Variants in GNAL observed in about 807,000 individuals in gnomAD.
The protein encoded by GNAL is G protein subunit alpha L, also known as guanine nucleotide-binding protein G(olf) subunit alpha.
In GNAL, 18 loss-of-function variants were observed where a neutral mutation model predicts 55.1. The observed-to-expected ratio is 0.33, with a 90% CI of 0.23 to 0.48. The LOEUF is 0.48. Ranked by LOEUF, GNAL falls within the 20% of genes least tolerant of loss-of-function variation. GNAL has a pLI of 0.99. For synonymous variants in GNAL, 253 were observed against 237.0 expected (o/e 1.07, Z -0.62); for missense variants, 412 against 614.1 (o/e 0.67, Z 3.48).
intron 11 of GNAL, among the ~76,000 whole-genome samples, chr18:11,880,393 AC>A (rs1567908785): frequency 6.6e-6 from 1 of 151,790 alleles, no homozygotes; most frequent in African/African-American, 2.4e-5. Flanking sequence ...ACATGGTGAC[AC>A]CCCGTCTCTA....
intron 11 of GNAL, among the ~76,000 whole-genome samples, chr18:11,877,365 G>A (rs1482197307): frequency 6.6e-6 from 1 of 152,162 alleles, no homozygotes; most frequent in Admixed American, 6.5e-5. Flanking sequence ...TGAGGCAGGA[G>A]AATTGCTGAA....
chr18:11,730,418 C>T (rs2032312880), intron 1 of GNAL, among the ~76,000 whole-genome samples: 1 of 151,932 alleles, frequency 6.6e-6, no homozygotes, highest in African/African-American at 2.4e-5. Flanking sequence ...CCTCGGCCTC[C>T]CAAAATGCCG....
Position 11,752,482 on chromosome 18 carries a change from G to A in GNAL, c.377-371G>A, listed in dbSNP as rs145170970. Reference sequence around the variant, plus strand: ...CAAGACGACGGAAGACCAGGGCGTCGATGAAAAAGAACGACGCGAGGCCAA... The same window carrying A: ...CAAGACGACGGAAGACCAGGGCGTCAATGAAAAAGAACGACGCGAGGCCAA... On this transcript the variant is annotated intron_variant, in intron 1 of 11. Coordinates refer to ENST00000334049, the MANE Select transcript of GNAL (RefSeq NM_182978.4). This position sits in a 1 kb window ranked among gnomAD's most constrained non-coding sequence, Gnocchi z 4.5. The A allele has an allele frequency of 2.5e-6, 4 of 1,611,972 alleles. No homozygotes were observed. The highest frequency in any genetic ancestry group is 3.4e-6 in the Non-Finnish European group (4 of 1,179,128).
At chr18:11,724,973 G>C (rs533585700) in intron 1 of GNAL, among the ~76,000 whole-genome samples, 1 of 152,188 alleles carries the variant, frequency 6.6e-6, no homozygotes, top group East Asian at 1.9e-4. Flanking sequence ...CTGACACCTC[G>C]AGCACCATGG....
At chr18:11,846,104 C>T (rs978715285) in intron 5 of GNAL, among the ~76,000 whole-genome samples, 2 of 151,922 alleles carry the variant, frequency 1.3e-5, no homozygotes, top group African/African-American at 4.8e-5. Flanking sequence ...AAAAGAGAGG[C>T]ATCCCGTACC....
In GNAL at chr18:11,884,611, G is replaced by C; in HGVS notation, c.*3476G>C. 5 of 1,613,432 alleles carry C rather than the reference G, an allele frequency of 3.1e-6. No homozygotes were observed. The highest frequency in any genetic ancestry group is 4.2e-6 in the Non-Finnish European group (5 of 1,179,894). On this transcript the variant is annotated 3_prime_UTR_variant, in exon 12 of 12. Transcript: ENST00000334049. ...GTAGCACTTGGAGAGGGTGTAGTCTGTGGGCGTGATGCTACCCTGGAAAGG... is the reference window on the plus strand; with the variant it reads ...GTAGCACTTGGAGAGGGTGTAGTCTCTGGGCGTGATGCTACCCTGGAAAGG...
At chr18:11,784,848 G>A (rs1388541661) in intron 4 of GNAL, among the ~76,000 whole-genome samples, 2 of 152,164 alleles carry the variant, frequency 1.3e-5, no homozygotes, top group African/African-American at 2.4e-5. Flanking sequence ...GCATGAGCCT[G>A]GCTGTCCGTA....
intron 5 of GNAL, chr18:11,851,866 G>C (rs776188158): frequency 6.2e-7 from 1 of 1,613,924 alleles, no homozygotes; most frequent in South Asian, 1.1e-5. Flanking sequence ...GGACAAATTC[G>C]AGCACCAGTT....
intron 5 of GNAL, among the ~76,000 whole-genome samples, chr18:11,856,262 C>G (rs1476822530): frequency 1.3e-5 from 2 of 151,364 alleles, no homozygotes; most frequent in East Asian, 1.9e-4. Context: ...TCTGGTTTAC[C>G]TAGGTTTGTT....
rs776210771 is a variant in GNAL, at chr18:11,851,743, A to G, written c.723-10652A>G. 4 of 1,613,898 alleles carry G rather than the reference A, an allele frequency of 2.5e-6. No individual in the cohort carries two copies. The highest frequency in any genetic ancestry group is 3.4e-6 in the Non-Finnish European group (4 of 1,179,886). On this transcript the variant is annotated intron_variant, in intron 5 of 11. Coordinates refer to ENST00000334049, the MANE Select transcript of GNAL (RefSeq NM_182978.4). ...TGCGCGAGTCGATGCAGTGGCTGCC[A>G]GGGTCCAGACGGCGGTGACGATGGG...
At chr18:11,699,511 A>T (rs1333697066) in intron 1 of GNAL, among the ~76,000 whole-genome samples, 1 of 151,430 alleles carries the variant, frequency 6.6e-6, no homozygotes, top group African/African-American at 2.4e-5. Context: ...CACCGTGCCC[A>T]GCTGGGTCTA....
rs199730118 is a variant in GNAL, at chr18:11,808,363, CTT to C, written c.625-16553_625-16552del. Among the ~76,000 whole-genome samples, 689 of 152,240 alleles carry C rather than the reference CTT, an allele frequency of 4.5e-3. 7 individuals are homozygous for C. The highest frequency in any genetic ancestry group is 0.015 in the African/African-American group (643 of 41,538). On this transcript the variant is annotated intron_variant, in intron 4 of 11. Transcript: ENST00000334049. ...AGAGGTACTAAGCCAGGCTTTGGGG[CTT>C]TCTTATTTGATTATTTGGAATTGTC...
At chr18:11,833,857 G>A (rs375494163) in intron 5 of GNAL, among the ~76,000 whole-genome samples, 12 of 152,134 alleles carry the variant, frequency 7.9e-5, no homozygotes, top group African/African-American at 2.7e-4. Context: ...TTCGTCACAC[G>A]GAACTGTATG....
chr18:11,742,582 G>C (rs1210107502), intron 1 of GNAL, among the ~76,000 whole-genome samples: 4 of 152,240 alleles, frequency 2.6e-5, no homozygotes, highest in African/African-American at 9.6e-5. Context: ...CACGCATTCT[G>C]GGGCTCATAT....
At chr18:11,730,094 C>T (rs1053782074) in intron 1 of GNAL, among the ~76,000 whole-genome samples, 39 of 151,144 alleles carry the variant, frequency 2.6e-4, no homozygotes, top group African/African-American at 9.3e-4. Context: ...ACTGCAGTGG[C>T]GCTATCTCGG....
In GNAL at chr18:11,868,580, C is replaced by T; in HGVS notation, c.948C>T (p.Ser316=). ...TAIIYVAACS[S]YNMVIREDNN... ...TCATTTACGTCGCAGCCTGCAGTAGCTACAACATGGTGATTCGAGAAGATA... is the reference window on the plus strand; with the variant it reads ...TCATTTACGTCGCAGCCTGCAGTAGTTACAACATGGTGATTCGAGAAGATA... Residue 316 remains serine (S), a synonymous_variant, in exon 9 of 12, where the codon AGC becomes AGT. Coordinates refer to ENST00000334049, the MANE Select transcript of GNAL (RefSeq NM_182978.4). The surrounding 1 kb of genome is among the most constrained non-coding windows in gnomAD (Gnocchi z 4.0). 1 of 1,610,606 alleles carries T rather than the reference C, an allele frequency of 6.2e-7. No homozygotes were observed. Among genetic ancestry groups the T allele is most frequent in the Non-Finnish European group, 8.5e-7 (1 of 1,177,648 alleles).
Position 11,752,677 on chromosome 18 carries a change from C to A in GNAL, c.377-176C>A, listed in dbSNP as rs556868404. On this transcript the variant is annotated intron_variant, in intron 1 of 11. Coordinates refer to ENST00000334049, the MANE Select transcript of GNAL (RefSeq NM_182978.4). This position sits in a 1 kb window ranked among gnomAD's most constrained non-coding sequence, Gnocchi z 4.5. The stretch of plus-strand genomic sequence containing the variant: ...GGCGGGCAGGGCCGGGCGAGGGTCG[C>A]GCGCACCTCTGGGCCGCGGAGCCCA... 3 of 1,275,086 alleles carry A rather than the reference C, an allele frequency of 2.4e-6. No individual in the cohort carries two copies. Among genetic ancestry groups the A allele is most frequent in the African/African-American group, 3.2e-5 (2 of 62,970 alleles). 79.0% of individuals were successfully genotyped at this position (1,275,086 alleles called of 1,614,324 possible). A position where few individuals can be genotyped will look rare whatever the true frequency, so the allele number is the denominator to read the frequency against.
chr18:11,750,008 C>T (rs1381054702), intron 1 of GNAL, among the ~76,000 whole-genome samples: 1 of 152,142 alleles, frequency 6.6e-6, no homozygotes, highest in Non-Finnish European at 1.5e-5. Flanking sequence ...GTGCAAGGTG[C>T]ACTGAAATGA....
At chr18:11,781,129 A>T (rs1312094462) in intron 4 of GNAL, among the ~76,000 whole-genome samples, 1 of 152,224 alleles carries the variant, frequency 6.6e-6, no homozygotes, top group Non-Finnish European at 1.5e-5. Context: ...TCAAATTAAG[A>T]CTTTAAATAT....
Sources: allele counts gnomAD v4.1 joint callset (sites outside exome capture counted in the v4.1 genomes callset), GRCh38; gene constraint gnomAD v4.1.1; non-coding constraint Gnocchi (gnomAD v3.1); transcripts MANE v1.5; gene names NCBI Gene and HGNC (gene_info 2026-07-23, HGNC 2026-07-21).